Variants in HSD17B3 observed in about 807,000 individuals in gnomAD.
HSD17B3 encodes the protein hydroxysteroid 17-beta dehydrogenase 3, also known as 17-beta-hydroxysteroid dehydrogenase type 3.
In HSD17B3, 29 loss-of-function variants were observed where a neutral mutation model predicts 41.1. The observed-to-expected ratio is 0.71, with a 90% CI of 0.53 to 0.96. The LOEUF is 0.96. Ranked by LOEUF, HSD17B3 falls within the 40% of genes least tolerant of loss-of-function variation. The pLI is 0.00. For missense variants in HSD17B3, 323 were observed against 374.6 expected (o/e 0.86, Z 1.14); for synonymous variants, 126 against 145.6 (o/e 0.87, Z 0.97).
chr9:96,255,852 G>A (rs1165690685), intron 2 of HSD17B3, among the ~76,000 whole-genome samples: 5 of 152,168 alleles, frequency 3.3e-5, no homozygotes, highest in South Asian at 2.1e-4. Flanking sequence ...TCAGCAGGGC[G>A]GCCCTGCAGA....
intron 2 of HSD17B3, among the ~76,000 whole-genome samples, chr9:96,260,355 C>A (rs1825814329): frequency 6.6e-6 from 1 of 152,144 alleles, no homozygotes; most frequent in South Asian, 2.1e-4. Flanking sequence ...TCTGAAATCA[C>A]CTTTGCAAAA....
intron 2 of HSD17B3, among the ~76,000 whole-genome samples, chr9:96,272,446 T>TATATATA (rs34436322): frequency 1.2e-5 from 1 of 85,850 alleles, no homozygotes; most frequent in Non-Finnish European, 2.3e-5. Flanking sequence ...TATATATATA[T>TATATATA]AAAATATATA....
At chr9:96,236,052 C>T (rs1417487730) in intron 10 of HSD17B3, among the ~76,000 whole-genome samples, 1 of 151,750 alleles carries the variant, frequency 6.6e-6, no homozygotes, top group Non-Finnish European at 1.5e-5. Context: ...TTAAGTGATC[C>T]TCCTGCTTTG....
intron 10 of HSD17B3, among the ~76,000 whole-genome samples, chr9:96,238,980 G>A (rs1836330969): frequency 6.6e-6 from 1 of 152,236 alleles, no homozygotes; most frequent in Admixed American, 6.5e-5. Flanking sequence ...TGTAGAGATA[G>A]CAGCCAGAGG....
intron 2 of HSD17B3, among the ~76,000 whole-genome samples, chr9:96,290,291 T>C (rs945075888): frequency 6.6e-6 from 1 of 151,984 alleles, no homozygotes; most frequent in African/African-American, 2.4e-5. Context: ...AAGAATAAGC[T>C]TCTGGAAGGG....
chr9:96,291,713 T>C (rs1017271555), intron 2 of HSD17B3, among the ~76,000 whole-genome samples: 4 of 152,268 alleles, frequency 2.6e-5, no homozygotes, highest in African/African-American at 7.2e-5. Context: ...TCCCAGCACT[T>C]TGGGATGCCA....
intron 2 of HSD17B3, among the ~76,000 whole-genome samples, chr9:96,283,728 GTTGTC>G (rs143832597): frequency 0.041 from 6,271 of 152,110 alleles, 442 homozygotes; most frequent in African/African-American, 0.14. Flanking sequence ...AAAAAAAATT[GTTGTC>G]TTGTTTTGGT....
chr9:96,287,276 CCAGG>C (rs1826959588), intron 2 of HSD17B3, among the ~76,000 whole-genome samples: 1 of 152,168 alleles, frequency 6.6e-6, no homozygotes, highest in African/African-American at 2.4e-5. Flanking sequence ...GGTCAGCCTC[CCAGG>C]CAGAGACTGG....
intron 2 of HSD17B3, among the ~76,000 whole-genome samples, chr9:96,268,365 T>C (rs1826116421): frequency 6.6e-6 from 1 of 152,128 alleles, no homozygotes; most frequent in Non-Finnish European, 1.5e-5. Context: ...TTTATGCCAA[T>C]CAATTTGAAA....
At chr9:96,258,556 C>T (rs1825747853) in intron 2 of HSD17B3, among the ~76,000 whole-genome samples, 1 of 152,116 alleles carries the variant, frequency 6.6e-6, no homozygotes, top group African/African-American at 2.4e-5. Flanking sequence ...TATTTTTGGC[C>T]TCATTATCTT....
At chr9:96,261,840 G>C (rs1018103965) in intron 2 of HSD17B3, among the ~76,000 whole-genome samples, 2 of 152,226 alleles carry the variant, frequency 1.3e-5, no homozygotes, top group Non-Finnish European at 2.9e-5. Flanking sequence ...GGCCAGGAAA[G>C]AGAGAAAACA....
At chr9:96,256,443 G>C (rs1455699966) in intron 2 of HSD17B3, 2 of 151,598 alleles carry the variant, frequency 1.3e-5, no homozygotes, top group East Asian at 3.9e-4. Context: ...AGACCAGCCT[G>C]GCCAACATGG....
chr9:96,262,957 T>A (rs1450598113), intron 2 of HSD17B3, among the ~76,000 whole-genome samples: 1 of 152,266 alleles, frequency 6.6e-6, no homozygotes, highest in East Asian at 1.9e-4. Context: ...TACTAACTTC[T>A]GCTGTCTTAT....
At chr9:96,291,091 C>T (rs568728654) in intron 2 of HSD17B3, among the ~76,000 whole-genome samples, 10 of 152,206 alleles carry the variant, frequency 6.6e-5, no homozygotes, top group Admixed American at 5.2e-4. Context: ...CCACCATCCC[C>T]GCGAATGTCT....
chr9:96,281,308 C>CA (rs901772686), intron 2 of HSD17B3, among the ~76,000 whole-genome samples: 3 of 151,694 alleles, frequency 2.0e-5, no homozygotes, highest in African/African-American at 4.8e-5. Flanking sequence ...GCCCCCGACC[C>CA]AAAAAAAATA....
intron 2 of HSD17B3, among the ~76,000 whole-genome samples, chr9:96,277,835 G>GCGCACACA (rs1450902519): frequency 4.7e-4 from 68 of 146,036 alleles, no homozygotes; most frequent in African/African-American, 1.5e-3. Flanking sequence ...GGAAAATGTG[G>GCGCACACA]CACACACACA....
intron 2 of HSD17B3, among the ~76,000 whole-genome samples, chr9:96,286,912 G>C (rs774719385): frequency 1.2e-4 from 18 of 152,190 alleles, no homozygotes; most frequent in Non-Finnish European, 2.5e-4. Flanking sequence ...AGCCCTCAGG[G>C]CTGCTCTGTC....
intron 2 of HSD17B3, among the ~76,000 whole-genome samples, chr9:96,258,762 A>AT (rs1340159628): frequency 7.9e-5 from 12 of 151,832 alleles, no homozygotes; most frequent in Admixed American, 5.3e-4. Flanking sequence ...TATAGTATCC[A>AT]TTTTTTTTCA....
At chr9:96,287,869 CAAAAAAAA>C (rs35941200) in intron 2 of HSD17B3, among the ~76,000 whole-genome samples, 1 of 116,070 alleles carries the variant, frequency 8.6e-6, no homozygotes, top group African/African-American at 2.9e-5. Flanking sequence ...TCATAATAGC[CAAAAAAAA>C]AAAAAAAATG....
Sources: allele counts gnomAD v4.1 joint callset (sites outside exome capture counted in the v4.1 genomes callset), GRCh38; gene constraint gnomAD v4.1.1; transcripts MANE v1.5; gene names NCBI Gene and HGNC (gene_info 2026-07-23, HGNC 2026-07-21).